Variants in DNAH9 observed in about 807,000 individuals in gnomAD.
The protein encoded by DNAH9 is dynein axonemal heavy chain 9, also known as DNAH9 variant protein.
In DNAH9, 345 loss-of-function variants were observed where a neutral mutation model predicts 471.6. The ratio of observed to expected loss-of-function variants is 0.73; its 90% CI spans 0.67 to 0.80. The LOEUF (loss-of-function observed/expected upper bound fraction) is 0.80, where lower values mean the gene tolerates loss of function less well. Ranked by LOEUF, DNAH9 falls within the 30% of genes least tolerant of loss-of-function variation. The pLI, the probability that DNAH9 is intolerant of heterozygous loss-of-function variation, is 0.00. For synonymous variants in DNAH9, 2,093 were observed against 2,123.6 expected (o/e 0.99, Z 0.40); for missense variants, 5,407 against 5,609.2 (o/e 0.96, Z 1.15).
chr17:11,605,066 C>G (rs985651248), intron 1 of DNAH9, among the ~76,000 whole-genome samples: 5 of 152,196 alleles, frequency 3.3e-5, no homozygotes, highest in Non-Finnish European at 7.3e-5. Flanking sequence ...TCTGTCCCCG[C>G]TTTCCTTGCT....
intron 56 of DNAH9, chr17:11,884,461 C>T (rs957073706): frequency 9.9e-6 from 4 of 402,062 alleles, no homozygotes; most frequent in East Asian, 1.5e-4. Flanking sequence ...AGATATTGGC[C>T]CTGAGCAGGA....
At position 11,693,147 on chromosome 17, in the gene DNAH9, T is replaced by C. The variant is rs1199432753; in HGVS notation, c.4615-721T>C. Among the ~76,000 whole-genome samples the C allele has an allele frequency of 2.7e-5, 4 of 150,456 alleles. No homozygotes were observed. In the East Asian group the frequency reaches 7.8e-4, roughly 29 times the overall value. On this transcript the variant is annotated intron_variant, in intron 20 of 68. Transcript: ENST00000262442. ...TCAGGCTGGTCTCAAACTCCTGACCTTGTGATCCACCCGCCTCTGCCTCCC... is the reference window on the plus strand; with the variant it reads ...TCAGGCTGGTCTCAAACTCCTGACCCTGTGATCCACCCGCCTCTGCCTCCC...
intron 53 of DNAH9, chr17:11,875,919 AG>A (rs1407019846): frequency 6.6e-6 from 1 of 152,200 alleles, no homozygotes; most frequent in African/African-American, 2.4e-5. Context: ...AGAGGAAGTG[AG>A]GCAGACATCA....
At chr17:11,964,747 G>A (rs535315085) in intron 68 of DNAH9, among the ~76,000 whole-genome samples, 4 of 152,240 alleles carry the variant, frequency 2.6e-5, no homozygotes, top group Non-Finnish European at 5.9e-5. Flanking sequence ...CCCTAGCTTG[G>A]AGGTTACCTA....
Position 11,608,061 on chromosome 17 carries a change from G to C in DNAH9, c.418-68G>C, listed in dbSNP as rs1465700309. On this transcript the variant is annotated intron_variant, in intron 1 of 68. Coordinates refer to ENST00000262442, the MANE Select transcript of DNAH9 (RefSeq NM_001372.4). ...TATATAGCTTTATAAGCCTTTTCCAGATGAGGATTTCTTTAAGTTCTCAGA... is the reference window on the plus strand; with the variant it reads ...TATATAGCTTTATAAGCCTTTTCCACATGAGGATTTCTTTAAGTTCTCAGA... 2.4e-6 allele frequency: 3 copies of C among 1,268,916 alleles called. No individual in the cohort carries two copies. In the Admixed American group the frequency reaches 6.7e-5, roughly 28 times the overall value. The allele number at this position is 1,268,916 out of a possible 1,614,324, so 78.6% of individuals were successfully genotyped here. A position where few individuals can be genotyped will look rare whatever the true frequency, so the allele number is the denominator to read the frequency against.
chr17:11,614,846 A>G (rs2072710063), intron 4 of DNAH9, among the ~76,000 whole-genome samples: 1 of 152,248 alleles, frequency 6.6e-6, no homozygotes. Context: ...ATGAGGGAGA[A>G]GCTCTCATGG....
At chr17:11,633,163 G>A (rs1302248457) in intron 8 of DNAH9, among the ~76,000 whole-genome samples, 5 of 152,180 alleles carry the variant, frequency 3.3e-5, no homozygotes, top group East Asian at 3.9e-4. Flanking sequence ...AGTGTATGGA[G>A]GAGAAGGTTT....
At chr17:11,730,954 A>ATGG (rs532307979) in intron 28 of DNAH9, among the ~76,000 whole-genome samples, 217 of 57,944 alleles carry the variant, frequency 3.7e-3, no homozygotes, top group African/African-American at 9.5e-3. Flanking sequence ...GATGATGATG[A>ATGG]TGGTGGTGGT....
At chr17:11,940,615 C>A (rs1315242820) in intron 66 of DNAH9, among the ~76,000 whole-genome samples, 2 of 152,134 alleles carry the variant, frequency 1.3e-5, no homozygotes, top group African/African-American at 4.8e-5. Flanking sequence ...TTTCTAACAT[C>A]AGCTCTTTTC....
chr17:11,941,742 ATAGAT>A (rs1263207458), intron 66 of DNAH9, among the ~76,000 whole-genome samples: 4 of 152,062 alleles, frequency 2.6e-5, no homozygotes, highest in Admixed American at 6.6e-5. Context: ...ATAGATAGTG[ATAGAT>A]TAGATAGATG....
intron 51 of DNAH9, 99 bp from the exon 52 acceptor site, chr17:11,871,499 G>T: frequency 9.3e-7 from 1 of 1,074,512 alleles, no homozygotes; most frequent in Admixed American, 2.0e-5. Flanking sequence ...GCCTCTTCCC[G>T]CTATGAAGCG....
chr17:11,651,210 A>C lies in DNAH9; in HGVS notation c.2239A>C (p.Asn747His), dbSNP rs1451788751. ...ANLELMANWY[N>H]KVMKTLLEVE... ...TTTAGAGTTGATGGCAAATTGGTACAACAAGGTTATGAAAACTCTGCTGGA... is the reference window on the plus strand; with the variant it reads ...TTTAGAGTTGATGGCAAATTGGTACCACAAGGTTATGAAAACTCTGCTGGA... Residue 747 changes from asparagine (N) to histidine (H), a missense_variant, in exon 13 of 69, where the codon AAC (asparagine) becomes CAC (histidine). Physicochemically the swap from Asn to His is moderately conservative, Grantham distance 68. This residue lies in a region of DNAH9 where 4,636 missense variants were observed against 4,900.3 expected (regional missense o/e 0.95). Coordinates refer to ENST00000262442, the MANE Select transcript of DNAH9 (RefSeq NM_001372.4). 4 of 1,614,100 alleles carry C rather than the reference A, an allele frequency of 2.5e-6. No homozygotes were observed. The highest frequency in any genetic ancestry group is 3.4e-6 in the Non-Finnish European group (4 of 1,179,996).
At chr17:11,930,146 T>C (rs1974459858) in intron 63 of DNAH9, 53 bp downstream of exon 63, 2 of 1,468,516 alleles carry the variant, frequency 1.4e-6, no homozygotes, top group East Asian at 4.6e-5. Context: ...AGTCAGCTGA[T>C]GCAAACTGGT....
chr17:11,881,708 AC>A (rs1299539089), intron 55 of DNAH9, among the ~76,000 whole-genome samples: 1 of 152,170 alleles, frequency 6.6e-6, no homozygotes, highest in Non-Finnish European at 1.5e-5. Context: ...GTAGTTCGAG[AC>A]CAGCCTGGCC....
At chr17:11,968,576 C>T (rs1178050717) in intron 68 of DNAH9, among the ~76,000 whole-genome samples, 1 of 152,198 alleles carries the variant, frequency 6.6e-6, no homozygotes, top group African/African-American at 2.4e-5. Context: ...TTCTTTATTG[C>T]TAGGACTTCT....
At chr17:11,921,175 G>A (rs1974124861) in intron 61 of DNAH9, among the ~76,000 whole-genome samples, 1 of 151,878 alleles carries the variant, frequency 6.6e-6, no homozygotes, top group Admixed American at 6.6e-5. Flanking sequence ...TCTGGGAGGT[G>A]GAGGTTGCAG....
rs2074578687 is a variant in DNAH9 at position 11,700,782 on chromosome 17, G to A, written c.5026-340G>A. 5.3e-5 allele frequency among the ~76,000 whole-genome samples: 8 copies of A among 152,298 alleles called. No homozygotes were observed. The South Asian group carries it at 1.4e-3, about 28-fold the overall frequency. ...GCGCTTCATACTCAGAGTGGACAAG[G>A]TCATGAGAAGCCACTGATTTATTTA... On this transcript the variant is annotated intron_variant, in intron 23 of 68. Transcript: ENST00000262442.
At position 11,962,902 on chromosome 17, in the gene DNAH9, G is replaced by A. The variant is rs912333052; in HGVS notation, c.13233+646G>A. 6.6e-6 allele frequency among the ~76,000 whole-genome samples: 1 copy of A among 152,124 alleles called. No homozygotes were observed. The highest frequency in any genetic ancestry group is 2.4e-5 in the African/African-American group (1 of 41,392). On this transcript the variant is annotated intron_variant, in intron 68 of 68. Transcript: ENST00000262442. The surrounding 1 kb of genome is among the most constrained non-coding windows in gnomAD (Gnocchi z 4.1). ...TATCACTTAAAGTGGCATTTTGAAA[G>A]GATTCCTTATCAAAGGCTAATAAAA... is the stretch of plus-strand genomic sequence containing the variant.
At chr17:11,888,226 C>T (rs1052725853) in intron 57 of DNAH9, among the ~76,000 whole-genome samples, 20 of 152,124 alleles carry the variant, frequency 1.3e-4, no homozygotes, top group Middle Eastern at 6.8e-3. Flanking sequence ...CTTCGTGATC[C>T]GCCCGCCTCG....
Sources: gnomAD v4.1 joint callset for allele counts (sites outside exome capture counted in the v4.1 genomes callset) on GRCh38, gnomAD v4.1.1 for gene constraint, gnomAD v4.1.1 regional missense constraint, Gnocchi (gnomAD v3.1) non-coding constraint, MANE v1.5 for transcripts, NCBI Gene and HGNC (gene_info 2026-07-23, HGNC 2026-07-21) for gene names.